Variants in NFXL1 observed in about 807,000 individuals in gnomAD.
The protein encoded by NFXL1 is NF-X1-type zinc finger protein NFXL1.
NFXL1 carries 66 observed loss-of-function variants against 123.3 expected under a neutral mutation model. The observed-to-expected ratio is 0.54, with a 90% CI of 0.44 to 0.66. The LOEUF is 0.66. Ranked by LOEUF, NFXL1 falls within the 30% of genes least tolerant of loss-of-function variation. The probability of loss-of-function intolerance (pLI) is 0.00; values close to 1 mark genes in which losing one functional copy is unlikely to be tolerated. For synonymous variants in NFXL1, 346 were observed against 360.8 expected (o/e 0.96, Z 0.46); for missense variants, 944 against 1,125.6 (o/e 0.84, Z 2.31).
chr4:47,896,188 A>C (rs1044423145), intron 10 of NFXL1, among the ~76,000 whole-genome samples: 1 of 152,212 alleles, frequency 6.6e-6, no homozygotes, highest in Non-Finnish European at 1.5e-5. Context: ...ATAATGAAAA[A>C]GTCTGAAATA....
At position 47,852,965 on chromosome 4, in the gene NFXL1, G is replaced by GT. The variant is rs748324960; in HGVS notation, c.2422-1024dup. On this transcript the variant is annotated intron_variant, in intron 20 of 22. Transcript: ENST00000507489. Reference sequence around the variant, plus strand: ...GGCATGGAATTTTATTACTTGGAGGGTTTTTTTTTTTTTATTCCTTAGTTC... The same window carrying GT: ...GGCATGGAATTTTATTACTTGGAGGGTTTTTTTTTTTTTTATTCCTTAGTTC... Among the ~76,000 whole-genome samples, 649 of 141,346 alleles carry GT rather than the reference G, an allele frequency of 4.6e-3. 3 individuals are homozygous for GT. Among genetic ancestry groups the GT allele is most frequent in the East Asian group, 0.022 (110 of 4,912 alleles). The allele number at this position is 141,346 out of a possible 152,430, so 92.7% of individuals were successfully genotyped here.
intron 18 of NFXL1, 82 bp downstream of exon 18, chr4:47,875,045 C>T (rs181613140): frequency 2.3e-6 from 2 of 879,940 alleles, no homozygotes; most frequent in Admixed American, 2.4e-5. Context: ...AAGCAAAGTA[C>T]ACTATAAAGG....
In NFXL1 at chr4:47,875,234, AC is replaced by A. The variant is rs1313145432; in HGVS notation, c.2138del (p.Cys713PhefsTer23). The stretch of plus-strand genomic sequence containing the variant: ...GACATCGCAAAATACATGGGTGAAG[AC>A]AACCTAGTGGCCGTGACTTGGAGCA... The part of the protein sequence containing the change: ...EGCSKSRPLG[C>X]LHPCILRCHP... On this transcript the variant is annotated frameshift_variant, in exon 18 of 23. Transcript: ENST00000507489. LOFTEE classifies it high-confidence loss of function. 6.2e-7 allele frequency: 1 copy of A among 1,613,584 alleles called. No individual in the cohort carries two copies. The highest frequency in any genetic ancestry group is 2.2e-5 in the East Asian group (1 of 44,856).
chr4:47,852,037 T>C, intron 20 of NFXL1, 95 bp from the exon 21 acceptor site: 1 of 730,866 alleles, frequency 1.4e-6, no homozygotes, highest in East Asian at 2.6e-5. Flanking sequence ...CTTAAGGTTA[T>C]AAGTATTATT....
chr4:47,867,541 T>C (rs995252400), intron 18 of NFXL1, among the ~76,000 whole-genome samples: 86 of 152,018 alleles, frequency 5.7e-4, no homozygotes, highest in African/African-American at 2.0e-3. Flanking sequence ...AATAAAAATA[T>C]TGAACTTATA....
chr4:47,855,539 T>C (rs1040321518), intron 19 of NFXL1, among the ~76,000 whole-genome samples: 4 of 151,898 alleles, frequency 2.6e-5, no homozygotes, highest in African/African-American at 4.8e-5. Flanking sequence ...CTCTTCCCCA[T>C]GTCCTGGATA....
chr4:47,884,942 C>G (rs1260055655), intron 14 of NFXL1, among the ~76,000 whole-genome samples: 1 of 152,020 alleles, frequency 6.6e-6, no homozygotes, highest in African/African-American at 2.4e-5. Context: ...GCCTGATCAA[C>G]AAGCTGAAAC....
intron 1 of NFXL1, 56 bp downstream of exon 1, chr4:47,914,309 G>C (rs78090669): frequency 2.2e-6 from 2 of 920,076 alleles, no homozygotes; most frequent in African/African-American, 3.4e-5. Flanking sequence ...GGCCGAGTGA[G>C]GAAGGTTCCT....
At chr4:47,874,093 A>C (rs1328238736) in intron 18 of NFXL1, among the ~76,000 whole-genome samples, 1 of 152,182 alleles carries the variant, frequency 6.6e-6, no homozygotes, top group East Asian at 1.9e-4. Flanking sequence ...AACATCTCTA[A>C]ATGTTGTGGC....
chr4:47,856,635 T>G (rs1388539073), intron 19 of NFXL1, among the ~76,000 whole-genome samples: 1 of 152,220 alleles, frequency 6.6e-6, no homozygotes, highest in Non-Finnish European at 1.5e-5. Context: ...CTCTTTCTAG[T>G]GTGTGATTAG....
intron 19 of NFXL1, among the ~76,000 whole-genome samples, chr4:47,858,707 T>C (rs545848315): frequency 6.4e-4 from 97 of 152,296 alleles, no homozygotes; most frequent in African/African-American, 2.2e-3. Flanking sequence ...AGGATTACTA[T>C]AAAAAGGCAA....
In NFXL1 at chr4:47,897,989, C is replaced by A; in HGVS notation, c.1182G>T (p.Arg394Ser). Residue 394 changes from arginine to serine, a missense_variant, in exon 9 of 23, where the codon AGG becomes AGT. Arg to Ser is a moderately radical substitution (Grantham distance 110, BLOSUM62 -1). Around this residue, in one of 4 missense-constraint regions of NFXL1, gnomAD observed 296 missense variants for 395.1 expected, o/e 0.75. Coordinates refer to ENST00000507489, the MANE Select transcript of NFXL1 (RefSeq NM_001278624.2). ...ACGECPRSGKRFCPCQKSKFS... is the reference protein window; with the variant it reads ...ACGECPRSGKSFCPCQKSKFS... The stretch of plus-strand genomic sequence containing the variant: ...TACTTGATTTCTGACATGGACAGAA[C>A]CTTTTCCCAGATCGAGGACATTCTC... 6.2e-7 allele frequency: 1 copy of A among 1,609,316 alleles called. No individual in the cohort carries two copies. Among genetic ancestry groups the A allele is most frequent in the Non-Finnish European group, 8.5e-7 (1 of 1,177,596 alleles).
At position 47,892,939 on chromosome 4, in the gene NFXL1, A is replaced by G. The variant is rs567531519; in HGVS notation, c.1452+1241T>C. Among the ~76,000 whole-genome samples the G allele has an allele frequency of 2.6e-5, 4 of 152,322 alleles. No individual in the cohort carries two copies. In the South Asian group the frequency reaches 8.3e-4, roughly 32 times the overall value. ...GATGACAGAATTAGTACACAGGGATATTAAAACAGACATTACAAATATAGC... is the reference window on the plus strand; with the variant it reads ...GATGACAGAATTAGTACACAGGGATGTTAAAACAGACATTACAAATATAGC... On this transcript the variant is annotated intron_variant, in intron 11 of 22. Transcript: ENST00000507489.
At chr4:47,891,201 T>C (rs1379742662) in intron 11 of NFXL1, among the ~76,000 whole-genome samples, 9 of 148,838 alleles carry the variant, frequency 6.0e-5, no homozygotes. Context: ...AACCTCCACC[T>C]CCCAGGCTCA....
At chr4:47,909,501 G>C (rs754793308) in intron 3 of NFXL1, among the ~76,000 whole-genome samples, 3 of 152,032 alleles carry the variant, frequency 2.0e-5, no homozygotes, top group Non-Finnish European at 4.4e-5. Context: ...CAAAATATTT[G>C]TAAGGTTTTT....
chr4:47,900,120 A>C (rs1038843701), intron 5 of NFXL1, among the ~76,000 whole-genome samples: 42 of 152,234 alleles, frequency 2.8e-4, no homozygotes, highest in Non-Finnish European at 1.5e-5. Context: ...ACCGCAAGAA[A>C]CATGACTACA....
chr4:47,891,116 T>TC (rs1736744093), intron 11 of NFXL1, among the ~76,000 whole-genome samples: 1 of 65,926 alleles, frequency 1.5e-5, no homozygotes, highest in Non-Finnish European at 4.8e-5. Context: ...CTTTTTTTCT[T>TC]TTTTTTTTTT....
chr4:47,853,700 T>C (rs1276214692), intron 20 of NFXL1, among the ~76,000 whole-genome samples: 1 of 152,088 alleles, frequency 6.6e-6, no homozygotes, highest in Non-Finnish European at 1.5e-5. Flanking sequence ...GTACAATATA[T>C]GTATTAGGGC....
At chr4:47,904,390 G>C (rs1258020700) in intron 4 of NFXL1, among the ~76,000 whole-genome samples, 1 of 152,154 alleles carries the variant, frequency 6.6e-6, no homozygotes, top group Non-Finnish European at 1.5e-5. Flanking sequence ...ACAAAATTGA[G>C]AGGCGGAAAA....
Sources: gnomAD v4.1 joint callset for allele counts (sites outside exome capture counted in the v4.1 genomes callset) on GRCh38, gnomAD v4.1.1 for gene constraint, gnomAD v4.1.1 regional missense constraint, MANE v1.5 for transcripts, NCBI Gene and HGNC (gene_info 2026-07-23, HGNC 2026-07-21) for gene names.